Variants in MYO16 observed in about 807,000 individuals in gnomAD.
MYO16 encodes myosin XVI.
In MYO16, 94 loss-of-function variants were observed where a neutral mutation model predicts 205.3. The observed-to-expected ratio is 0.46, with a 90% confidence interval of 0.39 to 0.54. The LOEUF is 0.54. Among genes scored for constraint, MYO16 ranks in the 20% least tolerant of loss-of-function variants. MYO16 has a pLI of 0.00. For synonymous variants in MYO16, 988 were observed against 954.0 expected, an observed-to-expected ratio of 1.04 and a Z score of -0.66; for missense variants, 2,315 against 2,387.5, an observed-to-expected ratio of 0.97 and a Z score of 0.63.
chr13:108,906,584 T>C (rs1205340312), intron 15 of MYO16, among the ~76,000 whole-genome samples: 2 of 152,220 alleles, frequency 1.3e-5, no homozygotes, highest in Non-Finnish European at 2.9e-5. Context: ...TTAGTTGATC[T>C]TATGTGAAGA....
chr13:108,885,034 A>G (rs1325902200), intron 13 of MYO16, among the ~76,000 whole-genome samples: 1 of 151,800 alleles, frequency 6.6e-6, no homozygotes, highest in African/African-American at 2.4e-5. Context: ...CACCAATTCT[A>G]GACACGAGGA....
chr13:109,008,102 A>G (rs1183356030), intron 21 of MYO16, among the ~76,000 whole-genome samples: 1 of 152,228 alleles, frequency 6.6e-6, no homozygotes, highest in Non-Finnish European at 1.5e-5. Context: ...GTTAGATGAT[A>G]TGGTATCAGA....
chr13:108,798,688 ATTTTTTTTTTTTT>A (rs35432777), intron 6 of MYO16, among the ~76,000 whole-genome samples: 41 of 70,356 alleles, frequency 5.8e-4, no homozygotes, highest in Non-Finnish European at 1.2e-4. Context: ...CCCGAGGCTT[ATTTTTTTTTTTTT>A]TTTTTTTTTT....
chr13:108,556,739 T>G, the MYO16 span, among the ~76,000 whole-genome samples: 1 of 152,214 alleles, frequency 6.6e-6, no homozygotes, highest in Non-Finnish European at 1.5e-5. Flanking sequence ...CTCTATATTT[T>G]CTTCTAGTTG....
the MYO16 span, among the ~76,000 whole-genome samples, chr13:108,549,415 GTA>G: frequency 1.6e-5 from 1 of 63,808 alleles, no homozygotes; most frequent in Non-Finnish European, 6.2e-5. Context: ...CACCGTTTCT[GTA>G]TTTTTTTTTT....
At chr13:109,039,124 A>G (rs1886803445) in intron 23 of MYO16, among the ~76,000 whole-genome samples, 1 of 152,230 alleles carries the variant, frequency 6.6e-6, no homozygotes, top group Admixed American at 6.5e-5. Flanking sequence ...ATGAGGATTC[A>G]TTCTTCTTGC....
chr13:109,000,877 C>G (rs1190493670), intron 21 of MYO16, among the ~76,000 whole-genome samples: 5 of 151,912 alleles, frequency 3.3e-5, no homozygotes, highest in African/African-American at 1.2e-4. Flanking sequence ...CGATAGACTC[C>G]TTTTTGAAGA....
At chr13:108,679,322 G>A (rs1458130668) in intron 2 of MYO16, among the ~76,000 whole-genome samples, 1 of 151,990 alleles carries the variant, frequency 6.6e-6, no homozygotes, top group Non-Finnish European at 1.5e-5. Context: ...CTTTTTCATT[G>A]CACTTATAAC....
At chr13:108,626,748 T>C (rs113286891), upstream of MYO16, among the ~76,000 whole-genome samples, 4,647 of 151,526 alleles carry the variant, frequency 0.031, 218 homozygotes, top group African/African-American at 0.11. Flanking sequence ...AGGGTTGCAG[T>C]GAGCCAAGAT....
the MYO16 span, among the ~76,000 whole-genome samples, chr13:108,553,606 A>G: frequency 1.3e-5 from 2 of 152,104 alleles, no homozygotes; most frequent in African/African-American, 4.8e-5. Flanking sequence ...AGAATCTTTT[A>G]TGTGTTGTTA....
At chr13:108,861,624 G>C (rs1372091111) in intron 11 of MYO16, among the ~76,000 whole-genome samples, 2 of 152,124 alleles carry the variant, frequency 1.3e-5, no homozygotes, top group Non-Finnish European at 2.9e-5. Context: ...GTTTCACTAA[G>C]AGTTTTTCAA....
intron 33 of MYO16, among the ~76,000 whole-genome samples, chr13:109,171,140 G>A (rs751235226): frequency 8.5e-5 from 13 of 152,206 alleles, no homozygotes; most frequent in Non-Finnish European, 1.5e-4. Flanking sequence ...CCCTGAGTAA[G>A]CATTTGCTGA....
At chr13:109,012,075 T>C (rs1203490647) in intron 22 of MYO16, among the ~76,000 whole-genome samples, 1 of 152,160 alleles carries the variant, frequency 6.6e-6, no homozygotes, top group Non-Finnish European at 1.5e-5. Context: ...TATTAGGGAT[T>C]AATGTGAAGA....
At chr13:108,502,312 T>C in the MYO16 span, among the ~76,000 whole-genome samples, 1 of 152,190 alleles carries the variant, frequency 6.6e-6, no homozygotes, top group African/African-American at 2.4e-5. Context: ...ATACTTGATG[T>C]CATATTTGTT....
intron 1 of MYO16, among the ~76,000 whole-genome samples, chr13:108,639,905 G>A (rs528863788): frequency 1.6e-3 from 242 of 152,332 alleles, no homozygotes; most frequent in African/African-American, 5.4e-3. Context: ...GAATATTCAA[G>A]GCACTTAGGT....
chr13:108,834,787 A>G lies in MYO16; in HGVS notation c.1098-9556A>G, dbSNP rs928092022. Among the ~76,000 whole-genome samples, 144 of 96,028 alleles carry G rather than the reference A, an allele frequency of 1.5e-3. 2 individuals are homozygous for G. Among genetic ancestry groups the G allele is most frequent in the African/African-American group, 4.4e-3 (135 of 30,584 alleles). The allele number at this position is 96,028 out of a possible 152,430, so 63.0% of individuals were successfully genotyped here. A position where few individuals can be genotyped will look rare whatever the true frequency, so the allele number is the denominator to read the frequency against. On this transcript the variant is annotated intron_variant, in intron 9 of 34. Coordinates refer to ENST00000457511, the MANE Select transcript of MYO16 (RefSeq NM_001198950.3). ...TGTATTAAGAAAATACCAGTGATTA[A>G]AATTATTTCTTTTTTTTAACAAATA...
At chr13:109,065,054 G>C (rs1417255163) in intron 27 of MYO16, among the ~76,000 whole-genome samples, 1 of 152,202 alleles carries the variant, frequency 6.6e-6, no homozygotes, top group African/African-American at 2.4e-5. Context: ...GCTAAGGCCT[G>C]GCTGGGCTGG....
intron 28 of MYO16, among the ~76,000 whole-genome samples, chr13:109,113,312 G>A (rs1336213844): frequency 1.4e-5 from 2 of 144,912 alleles, no homozygotes; most frequent in Non-Finnish European, 3.0e-5. Flanking sequence ...GGGATGGAGA[G>A]AGGAAGAAGG....
At chr13:108,605,181 A>G (rs1878906189) in intron 1 of MYO16, among the ~76,000 whole-genome samples, 1 of 152,238 alleles carries the variant, frequency 6.6e-6, no homozygotes, top group South Asian at 2.1e-4. Flanking sequence ...ACTCTTAGAC[A>G]TAATGTGGAC....
Sources: allele counts gnomAD v4.1 joint callset (sites outside exome capture counted in the v4.1 genomes callset), GRCh38; gene constraint gnomAD v4.1.1; transcripts MANE v1.5; gene names NCBI Gene and HGNC (gene_info 2026-07-23, HGNC 2026-07-21).